The following TMEM178B variants were observed in gnomAD, a reference collection of about 807,000 sequenced individuals.
TMEM178B encodes transmembrane protein 178B.
A neutral mutation model predicts 31.0 loss-of-function variants in TMEM178B; 5 were observed. The ratio of observed to expected loss-of-function variants is 0.16; its 90% CI spans 0.08 to 0.34. The LOEUF is 0.34. TMEM178B is among the 10% of genes least tolerant of loss of function. The pLI is 1.00. For missense variants in TMEM178B, 275 were observed against 400.3 expected (o/e 0.69, Z 2.67); for synonymous variants, 164 against 164.0 (o/e 1.00, Z 0.00).
rs1395252832 is a variant in TMEM178B at position 141,476,592 on chromosome 7, A to G, written c.*5806A>G. 2.6e-5 allele frequency: 4 copies of G among 152,184 alleles called. No individual in the cohort carries two copies. Among genetic ancestry groups the G allele is most frequent in the Non-Finnish European group, 5.9e-5 (4 of 68,030 alleles). The allele number at this position is 152,184 out of a possible 1,614,324, so 9.4% of individuals were successfully genotyped here. A position where few individuals can be genotyped will look rare whatever the true frequency, so the allele number is the denominator to read the frequency against. Reference sequence around the variant, plus strand: ...GAGCTGGGATCTTCTTTCTCTTGTCAGTTGCTGAAGCCAGTAGCTTCGTCA... The same window carrying G: ...GAGCTGGGATCTTCTTTCTCTTGTCGGTTGCTGAAGCCAGTAGCTTCGTCA... On this transcript the variant is annotated 3_prime_UTR_variant, in exon 4 of 4. Coordinates refer to ENST00000565468, the MANE Select transcript of TMEM178B (RefSeq NM_001195278.2).
chr7:141,169,005 TCTC>T (rs935776034), intron 1 of TMEM178B, among the ~76,000 whole-genome samples: 27 of 152,340 alleles, frequency 1.8e-4, no homozygotes, highest in African/African-American at 6.0e-4. Context: ...ATTCCTCTGA[TCTC>T]CTCTTTTAAA....
At chr7:141,321,896 G>A (rs1799105782) in intron 2 of TMEM178B, among the ~76,000 whole-genome samples, 1 of 151,978 alleles carries the variant, frequency 6.6e-6, no homozygotes. Flanking sequence ...GACCCAGGAG[G>A]CTTGTATTCA....
At chr7:141,425,559 TG>T (rs1341981476) in intron 2 of TMEM178B, among the ~76,000 whole-genome samples, 3 of 152,316 alleles carry the variant, frequency 2.0e-5, no homozygotes, top group Admixed American at 2.0e-4. Context: ...CCTTCCCTTC[TG>T]CATTTTCTGC....
intron 2 of TMEM178B, among the ~76,000 whole-genome samples, chr7:141,219,417 T>C (rs1042738549): frequency 3.3e-5 from 5 of 152,330 alleles, no homozygotes; most frequent in South Asian, 4.1e-4. Context: ...TCAGCCAGTA[T>C]GAGGCTCTTA....
intron 2 of TMEM178B, among the ~76,000 whole-genome samples, chr7:141,267,607 C>T (rs1798114596): frequency 6.6e-6 from 1 of 152,260 alleles, no homozygotes; most frequent in Non-Finnish European, 1.5e-5. Flanking sequence ...GGCTGGAAAA[C>T]CAAGCCATGT....
intron 1 of TMEM178B, among the ~76,000 whole-genome samples, chr7:141,120,040 G>A (rs953911723): frequency 2.0e-5 from 3 of 152,172 alleles, no homozygotes; most frequent in Admixed American, 6.5e-5. Flanking sequence ...CCATAGCTTT[G>A]GGAAGGGCAA....
At chr7:141,300,797 G>A (rs17162059) in intron 2 of TMEM178B, among the ~76,000 whole-genome samples, 1 of 151,906 alleles carries the variant, frequency 6.6e-6, no homozygotes, top group Non-Finnish European at 1.5e-5. Flanking sequence ...ACTTCTTCCC[G>A]TTGCCAGACC....
intron 2 of TMEM178B, among the ~76,000 whole-genome samples, chr7:141,355,358 C>A (rs1367953651): frequency 6.6e-6 from 1 of 152,134 alleles, no homozygotes; most frequent in African/African-American, 2.4e-5. Flanking sequence ...TGTGGTGGAG[C>A]CTTAGAGAAG....
At position 141,452,608 on chromosome 7, in the gene TMEM178B, C is replaced by T. The variant is rs190337896; in HGVS notation, c.634+14863C>T. On this transcript the variant is annotated intron_variant, in intron 3 of 3. Coordinates refer to ENST00000565468, the MANE Select transcript of TMEM178B (RefSeq NM_001195278.2). ...TGCAGTAGTTTGGGAGTCATTTAGCCCTTGGTGGAAATCTCTGTCCCACCA... is the reference window on the plus strand; with the variant it reads ...TGCAGTAGTTTGGGAGTCATTTAGCTCTTGGTGGAAATCTCTGTCCCACCA... Among the ~76,000 whole-genome samples, 151 of 152,284 alleles carry T rather than the reference C, an allele frequency of 9.9e-4. 1 individual carries two copies. The highest frequency in any genetic ancestry group is 2.6e-3 in the African/African-American group (110 of 41,542).
In TMEM178B at chr7:141,229,037, G is replaced by A. The variant is rs1453007025; in HGVS notation, c.496+16333G>A. 1.7e-4 allele frequency among the ~76,000 whole-genome samples: 12 copies of A among 70,424 alleles called. No homozygotes were observed. In the East Asian group the frequency reaches 3.1e-3, roughly 18 times the overall value. The allele number at this position is 70,424 out of a possible 152,430, so 46.2% of individuals were successfully genotyped here. On this transcript the variant is annotated intron_variant, in intron 2 of 3. Transcript: ENST00000565468. Reference sequence around the variant, plus strand: ...TCTTTTTTTTTTTTTTTTTTTTTTGGTTGTGGGGGTGGAATTTGATTACAT... The same window carrying A: ...TCTTTTTTTTTTTTTTTTTTTTTTGATTGTGGGGGTGGAATTTGATTACAT...
intron 1 of TMEM178B, among the ~76,000 whole-genome samples, chr7:141,116,592 G>C (rs1393563872): frequency 1.3e-5 from 2 of 151,490 alleles, no homozygotes; most frequent in Non-Finnish European, 2.9e-5. Flanking sequence ...ACATATACAC[G>C]TGCAGTGGCA....
At chr7:141,399,745 G>T (rs1800726718) in intron 2 of TMEM178B, among the ~76,000 whole-genome samples, 1 of 152,142 alleles carries the variant, frequency 6.6e-6, no homozygotes, top group African/African-American at 2.4e-5. Flanking sequence ...AGTATCAGAT[G>T]GCTTCCAGAC....
rs1006552304 is a variant in TMEM178B at position 141,074,185 on chromosome 7, G to C, written c.-126G>C. On this transcript the variant is annotated 5_prime_UTR_variant, in exon 1 of 4. Transcript: ENST00000565468. This position sits in a 1 kb window ranked among gnomAD's most constrained non-coding sequence, Gnocchi z 5.1. ...TCCGGTAGGCGGGGGCCGAGGGGGCGCCGCGGCGCGAGTCCCTCTCCTGCC... is the reference window on the plus strand; with the variant it reads ...TCCGGTAGGCGGGGGCCGAGGGGGCCCCGCGGCGCGAGTCCCTCTCCTGCC... The C allele has an allele frequency of 1.6e-5, 21 of 1,326,548 alleles. No individual in the cohort carries two copies. The highest frequency in any genetic ancestry group is 1.9e-5 in the Non-Finnish European group (19 of 1,018,214). The allele number at this position is 1,326,548 out of a possible 1,614,324, so 82.2% of individuals were successfully genotyped here. A position where few individuals can be genotyped will look rare whatever the true frequency, so the allele number is the denominator to read the frequency against.
the TMEM178B span, among the ~76,000 whole-genome samples, chr7:141,491,973 A>C: frequency 6.6e-6 from 1 of 152,080 alleles, no homozygotes; most frequent in Non-Finnish European, 1.5e-5. Context: ...AATGAAATAC[A>C]CATCTGATCA....
intron 2 of TMEM178B, among the ~76,000 whole-genome samples, chr7:141,231,397 C>G (rs1346770093): frequency 2.0e-5 from 3 of 151,934 alleles, no homozygotes; most frequent in Non-Finnish European, 2.9e-5. Context: ...TAATTAGATT[C>G]CTTCTCCAGA....
intron 2 of TMEM178B, among the ~76,000 whole-genome samples, chr7:141,358,034 A>G (rs932688861): frequency 1.3e-5 from 2 of 152,216 alleles, no homozygotes; most frequent in African/African-American, 2.4e-5. Flanking sequence ...CTAGAGCCCC[A>G]GTTCTTGAGA....
intron 2 of TMEM178B, among the ~76,000 whole-genome samples, chr7:141,391,048 G>A (rs915546471): frequency 3.9e-5 from 6 of 152,188 alleles, no homozygotes; most frequent in African/African-American, 1.4e-4. Flanking sequence ...AGTTCAGAGG[G>A]CAGGGCTAGA....
chr7:141,479,843 T>C lies in TMEM178B; in HGVS notation c.*9057T>C, dbSNP rs1208786300. On this transcript the variant is annotated 3_prime_UTR_variant, in exon 4 of 4. Transcript: ENST00000565468. Reference sequence around the variant, plus strand: ...GATTGGTCAGACAAGGAGTGGTGTGTACTGCAGGATTCTAACAATGCCTCT... The same window carrying C: ...GATTGGTCAGACAAGGAGTGGTGTGCACTGCAGGATTCTAACAATGCCTCT... The C allele has an allele frequency of 1.3e-5, 2 of 152,226 alleles. No individual in the cohort carries two copies. The highest frequency in any genetic ancestry group is 2.9e-5 in the Non-Finnish European group (2 of 68,030). The allele number at this position is 152,226 out of a possible 1,614,324, so 9.4% of individuals were successfully genotyped here.
At chr7:141,288,897 C>T (rs932588110) in intron 2 of TMEM178B, among the ~76,000 whole-genome samples, 1 of 152,330 alleles carries the variant, frequency 6.6e-6, no homozygotes, top group African/African-American at 2.4e-5. Context: ...CCTCACCTGC[C>T]CTATCAGACT....
Sources: allele counts gnomAD v4.1 joint callset (sites outside exome capture counted in the v4.1 genomes callset), GRCh38; gene constraint gnomAD v4.1.1; non-coding constraint Gnocchi (gnomAD v3.1); transcripts MANE v1.5; gene names NCBI Gene and HGNC (gene_info 2026-07-23, HGNC 2026-07-21).